MAP1B: variants seen among roughly 807,000 people sequenced by gnomAD.
The protein encoded by MAP1B is microtubule associated protein 1B.
A neutral mutation model predicts 176.1 loss-of-function variants in MAP1B; 12 were observed. The ratio of observed to expected loss-of-function variants is 0.07; its 90% confidence interval spans 0.04 to 0.11. The LOEUF (loss-of-function observed/expected upper bound fraction) is 0.11, where lower values mean the gene tolerates loss of function less well. MAP1B is among the 10% of genes least tolerant of loss of function. The pLI, the probability that MAP1B is intolerant of heterozygous loss-of-function variation, is 1.00. For synonymous variants in MAP1B, 1,044 were observed against 1,135.0 expected, an observed-to-expected ratio of 0.92 and a Z score of 1.61; for missense variants, 2,523 against 2,990.5, an observed-to-expected ratio of 0.84 and a Z score of 3.65.
chr5:72,200,669 T>A (rs1000630683), intron 5 of MAP1B, among the ~76,000 whole-genome samples: 1 of 152,144 alleles, frequency 6.6e-6, no homozygotes, highest in Non-Finnish European at 1.5e-5. Context: ...GAACCAAGGA[T>A]GTGTCTTTCA....
chr5:72,156,281 C>T (rs1322386402), intron 2 of MAP1B, among the ~76,000 whole-genome samples: 1 of 152,224 alleles, frequency 6.6e-6, no homozygotes, highest in Non-Finnish European at 1.5e-5. Flanking sequence ...CTCAACCTCA[C>T]TTCCTTATGT....
intron 2 of MAP1B, among the ~76,000 whole-genome samples, chr5:72,147,352 C>T (rs547065566): frequency 1.3e-5 from 2 of 152,004 alleles, no homozygotes; most frequent in Non-Finnish European, 2.9e-5. Context: ...ATCAGAAAGG[C>T]CCATCTTTGT....
chr5:72,203,031 T>C (rs1360306345), intron 5 of MAP1B, among the ~76,000 whole-genome samples: 5 of 152,192 alleles, frequency 3.3e-5, no homozygotes, highest in South Asian at 2.1e-4. Flanking sequence ...GGAAATCATA[T>C]GGGGTTAAGA....
At chr5:72,151,223 C>T (rs544210327) in intron 2 of MAP1B, among the ~76,000 whole-genome samples, 149 of 152,230 alleles carry the variant, frequency 9.8e-4, no homozygotes, top group African/African-American at 3.3e-3. Context: ...TAACAACCCA[C>T]TCTCCTGGGA....
At chr5:72,162,369 C>T (rs986828029) in intron 2 of MAP1B, among the ~76,000 whole-genome samples, 6 of 151,542 alleles carry the variant, frequency 4.0e-5, no homozygotes, top group Non-Finnish European at 8.8e-5. Context: ...GAAAAATCTT[C>T]GATGTAAGGG....
intron 2 of MAP1B, among the ~76,000 whole-genome samples, chr5:72,180,237 C>T (rs1480932632): frequency 4.6e-5 from 7 of 152,212 alleles, no homozygotes; most frequent in African/African-American, 1.7e-4. Context: ...GTATGGATTC[C>T]TGCAGAATAC....
At position 72,196,153 on chromosome 5, in the gene MAP1B, T is replaced by G. The variant is rs1168207209; in HGVS notation, c.2798T>G (p.Phe933Cys). ...AAATTTGAAGATGAAGGAGCCGGTTTTGAAGAATCTTCAGAGACTGGAGAC... is the reference window on the plus strand; with the variant it reads ...AAATTTGAAGATGAAGGAGCCGGTTGTGAAGAATCTTCAGAGACTGGAGAC... Reference protein sequence around the residue: ...IEKFEDEGAGFEESSETGDYE... With the variant: ...IEKFEDEGAGCEESSETGDYE... The change falls in exon 5 of 7, where the codon TTT becomes TGT. Residue 933 changes from phenylalanine (F) to cysteine (C), a missense_variant. Transcript: ENST00000296755. The surrounding 1 kb of genome is among the most constrained non-coding windows in gnomAD (Gnocchi z 5.3). The G allele has an allele frequency of 6.2e-7, 1 of 1,613,040 alleles. No individual in the cohort carries two copies. Among genetic ancestry groups the G allele is most frequent in the Non-Finnish European group, 8.5e-7 (1 of 1,179,878 alleles).
In MAP1B at chr5:72,206,932, C is replaced by T. The variant is rs1284713484; in HGVS notation, c.*1693C>T. The T allele has an allele frequency of 6.6e-6, 1 of 151,922 alleles. No homozygotes were observed. The highest frequency in any genetic ancestry group is 1.5e-5 in the Non-Finnish European group (1 of 67,978). 9.4% of individuals were successfully genotyped at this position (151,922 alleles called of 1,614,324 possible). A position where few individuals can be genotyped will look rare whatever the true frequency, so the allele number is the denominator to read the frequency against. ...TGACAAGTACATCACCCAGTGGTAT[C>T]CTACATACTTCTTTCAAGATCTTCA... On this transcript the variant is annotated 3_prime_UTR_variant, in exon 7 of 7. Transcript: ENST00000296755.
chr5:72,135,733 T>C (rs1444369849), intron 2 of MAP1B, among the ~76,000 whole-genome samples: 1 of 152,198 alleles, frequency 6.6e-6, no homozygotes, highest in East Asian at 1.9e-4. Flanking sequence ...CCAATCCAGA[T>C]CAGACCCTCT....
chr5:72,131,508 A>G (rs537075723), intron 2 of MAP1B, among the ~76,000 whole-genome samples: 2 of 152,214 alleles, frequency 1.3e-5, no homozygotes, highest in Non-Finnish European at 2.9e-5. Flanking sequence ...TATTTTCATA[A>G]GATATTCTTA....
chr5:72,194,452 A>G lies in MAP1B; in HGVS notation c.1097A>G (p.Lys366Arg), dbSNP rs201666402. Residue 366 changes from lysine to arginine, a missense_variant, in exon 5 of 7, where the codon AAA becomes AGA. Lys to Arg is a conservative substitution (Grantham distance 26, BLOSUM62 2). Coordinates refer to ENST00000296755, the MANE Select transcript of MAP1B (RefSeq NM_005909.5). The surrounding 1 kb of genome is among the most constrained non-coding windows in gnomAD (Gnocchi z 7.2). ...TTTCTCAATGTACCTGAAAATCTCA[A>G]AAATCCAGAGCCAAACATCAAGATG... is the stretch of plus-strand genomic sequence containing the variant. ...VVFLNVPENL[K>R]NPEPNIKMKR... 7 of 1,614,054 alleles carry G rather than the reference A, an allele frequency of 4.3e-6. No individual in the cohort carries two copies. In the East Asian group the frequency reaches 1.3e-4, roughly 31 times the overall value.
chr5:72,208,401 C>A lies in MAP1B; in HGVS notation c.*3162C>A, dbSNP rs1747499934. ...TCGAGATAGCACTCATGATCATGACCTTTTTGGTAGTATTCTTAAACAAAA... is the reference window on the plus strand; with the variant it reads ...TCGAGATAGCACTCATGATCATGACATTTTTGGTAGTATTCTTAAACAAAA... On this transcript the variant is annotated 3_prime_UTR_variant, in exon 7 of 7. Transcript: ENST00000296755. 2 of 152,102 alleles carry A rather than the reference C, an allele frequency of 1.3e-5. No individual in the cohort carries two copies. Among genetic ancestry groups the A allele is most frequent in the Non-Finnish European group, 2.9e-5 (2 of 68,012 alleles). The allele number at this position is 152,102 out of a possible 1,614,324, so 9.4% of individuals were successfully genotyped here. A position where few individuals can be genotyped will look rare whatever the true frequency, so the allele number is the denominator to read the frequency against.
At chr5:72,117,602 C>T (rs547380780) in intron 2 of MAP1B, among the ~76,000 whole-genome samples, 1 of 152,214 alleles carries the variant, frequency 6.6e-6, no homozygotes, top group African/African-American at 2.4e-5. Context: ...CAAACTGTCA[C>T]TTTAGCCTAA....
chr5:72,185,735 G>A (rs1044845611), intron 3 of MAP1B, among the ~76,000 whole-genome samples: 3 of 152,242 alleles, frequency 2.0e-5, no homozygotes, highest in African/African-American at 7.2e-5. Context: ...AGATGGGGCT[G>A]AAACAATTAC....
intron 2 of MAP1B, among the ~76,000 whole-genome samples, chr5:72,127,577 G>T (rs1204670299): frequency 6.6e-6 from 1 of 151,800 alleles, no homozygotes; most frequent in Non-Finnish European, 1.5e-5. Flanking sequence ...TCCACATTTT[G>T]CACATGTATC....
chr5:72,170,341 G>A (rs551764298), intron 2 of MAP1B, among the ~76,000 whole-genome samples: 1 of 152,254 alleles, frequency 6.6e-6, no homozygotes, highest in African/African-American at 2.4e-5. Flanking sequence ...ATGAAGGGAA[G>A]CTTTTACAAG....
chr5:72,199,582 C>A lies in MAP1B; in HGVS notation c.6227C>A (p.Ala2076Asp), dbSNP rs1022424456. The A allele has an allele frequency of 6.2e-7, 1 of 1,614,200 alleles. No homozygotes were observed. The highest frequency in any genetic ancestry group is 8.5e-7 in the Non-Finnish European group (1 of 1,180,044). Residue 2076 changes from alanine (A) to aspartate (D), a missense_variant, in exon 5 of 7, where the codon GCC becomes GAC. Ala to Asp is a moderately radical substitution (Grantham distance 126, BLOSUM62 -2). Coordinates refer to ENST00000296755, the MANE Select transcript of MAP1B (RefSeq NM_005909.5). This position sits in a 1 kb window ranked among gnomAD's most constrained non-coding sequence, Gnocchi z 4.2. ...YTAEKKSPSE[A>D]RQDVDLCLVS... The stretch of plus-strand genomic sequence containing the variant: ...GCAGAAAAGAAGTCCCCCTCAGAAG[C>A]CCGTCAGGATGTCGATTTATGCCTC...
chr5:72,114,160 CTGTGG>C (rs1370222819), intron 1 of MAP1B, among the ~76,000 whole-genome samples: 2 of 152,012 alleles, frequency 1.3e-5, no homozygotes, highest in Non-Finnish European at 2.9e-5. Context: ...TTGAAAAGGT[CTGTGG>C]TGTGTAATCT....
chr5:72,201,201 A>C (rs1293323673), intron 5 of MAP1B, among the ~76,000 whole-genome samples: 4 of 147,098 alleles, frequency 2.7e-5, no homozygotes, highest in South Asian at 4.3e-4. Flanking sequence ...TGTCTCCACA[A>C]AAAAAAAAAA....
Sources: gnomAD v4.1 joint callset for allele counts (sites outside exome capture counted in the v4.1 genomes callset) on GRCh38, gnomAD v4.1.1 for gene constraint, Gnocchi (gnomAD v3.1) non-coding constraint, MANE v1.5 for transcripts, NCBI Gene and HGNC (gene_info 2026-07-23, HGNC 2026-07-21) for gene names.